The following DLG2 variants were observed in gnomAD, a reference collection of about 807,000 sequenced individuals.
DLG2 encodes discs large MAGUK scaffold protein 2, also known as disks large homolog 2.
Under a neutral mutation model 132.5 loss-of-function variants are expected in DLG2, and 45 were observed. That is an observed-to-expected ratio of 0.34 (90% CI 0.27 to 0.44). The LOEUF (loss-of-function observed/expected upper bound fraction) is 0.44. Among genes scored for constraint, DLG2 ranks in the 20% least tolerant of loss-of-function variants. DLG2 has a pLI of 1.00. For missense variants in DLG2, 1,045 were observed against 1,196.9 expected, an observed-to-expected ratio of 0.87 and a Z score of 1.87; for synonymous variants, 424 against 419.6, an observed-to-expected ratio of 1.01 and a Z score of -0.13.
intron 7 of DLG2, among the ~76,000 whole-genome samples, chr11:84,327,730 A>C (rs1410843764): frequency 6.6e-6 from 1 of 152,104 alleles, no homozygotes; most frequent in Non-Finnish European, 1.5e-5. Context: ...TAAGAACTTT[A>C]TGTTTTTGAT....
chr11:84,874,944 C>T (rs189442254), intron 6 of DLG2, among the ~76,000 whole-genome samples: 132 of 148,458 alleles, frequency 8.9e-4, no homozygotes, highest in African/African-American at 3.2e-3. Flanking sequence ...TTGCTTGAAC[C>T]GGGAGGTGGA....
intron 6 of DLG2, among the ~76,000 whole-genome samples, chr11:84,916,127 C>T (rs1225980814): frequency 2.6e-5 from 4 of 151,498 alleles, no homozygotes; most frequent in African/African-American, 7.3e-5. Context: ...GGGCGGATCA[C>T]GAGGTCAGGA....
chr11:83,525,873 A>C (rs2095596032), intron 21 of DLG2, among the ~76,000 whole-genome samples: 1 of 152,216 alleles, frequency 6.6e-6, no homozygotes. Flanking sequence ...GAAGCAAATA[A>C]AATTCCCATC....
chr11:84,211,916 C>T (rs180780577), intron 8 of DLG2, among the ~76,000 whole-genome samples: 2 of 152,234 alleles, frequency 1.3e-5, no homozygotes, highest in East Asian at 1.9e-4. Context: ...ATATGCTATA[C>T]TTCTATTCTA....
At chr11:85,022,897 A>G (rs377535695) in intron 6 of DLG2, among the ~76,000 whole-genome samples, 11 of 152,262 alleles carry the variant, frequency 7.2e-5, no homozygotes, top group African/African-American at 2.4e-4. Flanking sequence ...ATCTGAGAAT[A>G]TAAAACCTTA....
At chr11:83,767,368 A>G (rs932125330) in intron 18 of DLG2, among the ~76,000 whole-genome samples, 1 of 152,232 alleles carries the variant, frequency 6.6e-6, no homozygotes, top group East Asian at 1.9e-4. Context: ...GATTACAGTT[A>G]TAATTCAATT....
intron 22 of DLG2, among the ~76,000 whole-genome samples, chr11:83,475,549 G>A (rs1030681049): frequency 2.9e-5 from 4 of 138,706 alleles, no homozygotes; most frequent in Non-Finnish European, 4.7e-5. Flanking sequence ...AGTGAGAGAA[G>A]CAGAATTCTC....
intron 3 of DLG2, among the ~76,000 whole-genome samples, chr11:85,487,733 C>T (rs1283486342): frequency 3.3e-5 from 5 of 152,144 alleles, no homozygotes; most frequent in Admixed American, 1.3e-4. Flanking sequence ...GAAGAGAGAT[C>T]AAAAGACTTA....
chr11:84,047,228 G>C (rs1031467787), intron 11 of DLG2, among the ~76,000 whole-genome samples: 11 of 151,686 alleles, frequency 7.3e-5, no homozygotes, highest in African/African-American at 2.7e-4. Context: ...ACAACTTCCA[G>C]ACCTAATATG....
intron 8 of DLG2, among the ~76,000 whole-genome samples, chr11:84,174,087 C>G (rs549998622): frequency 2.1e-3 from 253 of 121,580 alleles, no homozygotes; most frequent in African/African-American, 7.3e-3. Flanking sequence ...TAAAACAGAA[C>G]AGATGCTCTT....
intron 11 of DLG2, among the ~76,000 whole-genome samples, chr11:84,031,724 C>A (rs746673214): frequency 6.6e-6 from 1 of 152,142 alleles, no homozygotes; most frequent in Non-Finnish European, 1.5e-5. Flanking sequence ...AAACATAGTA[C>A]AGGCCTATCT....
At chr11:85,476,532 T>G (rs2093147756) in intron 3 of DLG2, among the ~76,000 whole-genome samples, 1 of 152,176 alleles carries the variant, frequency 6.6e-6, no homozygotes, top group Non-Finnish European at 1.5e-5. Flanking sequence ...CATTTTAGCT[T>G]AAAACACAAA....
At chr11:83,859,544 G>A (rs1486748226) in intron 16 of DLG2, among the ~76,000 whole-genome samples, 4 of 152,220 alleles carry the variant, frequency 2.6e-5, no homozygotes, top group Admixed American at 2.6e-4. Context: ...TTTCTAAGCA[G>A]CAAAGCATTC....
intron 6 of DLG2, among the ~76,000 whole-genome samples, chr11:85,003,203 A>G (rs1200460712): frequency 1.3e-5 from 2 of 152,182 alleles, no homozygotes; most frequent in African/African-American, 4.8e-5. Context: ...GTAATGATCC[A>G]TTCAAGCCAA....
At chr11:84,874,721 A>T (rs1346558554) in intron 6 of DLG2, among the ~76,000 whole-genome samples, 3 of 152,134 alleles carry the variant, frequency 2.0e-5, no homozygotes, top group Non-Finnish European at 4.4e-5. Context: ...ATTGAAAGAC[A>T]TACATAAGAA....
intron 8 of DLG2, among the ~76,000 whole-genome samples, chr11:84,180,273 G>C (rs144631997): frequency 6.6e-5 from 10 of 152,096 alleles, no homozygotes; most frequent in Admixed American, 6.6e-4. Context: ...GCTGAGAAAA[G>C]AATCCCTTAG....
At position 84,163,507 on chromosome 11, in the gene DLG2, T is replaced by C. The variant is rs748123400; in HGVS notation, c.578A>G (p.Asn193Ser). ...AAATTCATATTCAATTTCTGTCCCA[T>C]TGACCTGTAAATAGGGAAAAAATAA... ...TDTLDTIPYV[N>S]GTEIEYEFEE... The change falls in exon 9 of 28, where the codon AAT becomes AGT. Residue 193 changes from asparagine to serine, a missense_variant. Coordinates refer to ENST00000376104, the MANE Select transcript of DLG2 (RefSeq NM_001142699.3). 18 of 1,605,666 alleles carry C rather than the reference T, an allele frequency of 1.1e-5. No individual in the cohort carries two copies. Among genetic ancestry groups the C allele is most frequent in the Middle Eastern group, 1.7e-4 (1 of 6,038 alleles).
intron 18 of DLG2, among the ~76,000 whole-genome samples, chr11:83,649,804 T>C (rs1208498311): frequency 2.0e-5 from 3 of 152,170 alleles, no homozygotes; most frequent in Non-Finnish European, 4.4e-5. Flanking sequence ...CCCCTCTCTG[T>C]TTCAGGTGGC....
At chr11:85,115,545 C>A (rs372162178) in intron 5 of DLG2, among the ~76,000 whole-genome samples, 56 of 152,082 alleles carry the variant, frequency 3.7e-4, no homozygotes, top group African/African-American at 1.3e-3. Context: ...ATATTCACTG[C>A]ACTCATTCTT....
Sources: gnomAD v4.1 joint callset for allele counts (sites outside exome capture counted in the v4.1 genomes callset) on GRCh38, gnomAD v4.1.1 for gene constraint, MANE v1.5 for transcripts, NCBI Gene and HGNC (gene_info 2026-07-23, HGNC 2026-07-21) for gene names.